EP400: variants seen among roughly 807,000 people sequenced by gnomAD.
The protein encoded by EP400 is E1A binding protein p400, also known as E1A-binding protein p400.
A neutral mutation model predicts 354.1 loss-of-function variants in EP400; 105 were observed. That is an observed-to-expected ratio of 0.30 (90% confidence interval 0.25 to 0.35). EP400 has a LOEUF of 0.35. EP400 is among the 10% of genes least tolerant of loss of function. The probability of loss-of-function intolerance (pLI) is 1.00; values close to 1 mark genes in which losing one functional copy is unlikely to be tolerated. For missense variants in EP400, 3,280 were observed against 4,121.0 expected, an observed-to-expected ratio of 0.80 and a Z score of 5.59; for synonymous variants, 1,646 against 1,716.9, an observed-to-expected ratio of 0.96 and a Z score of 1.02.
At chr12:131,962,875 A>T (rs1221353713) in intron 2 of EP400, among the ~76,000 whole-genome samples, 1 of 152,374 alleles carries the variant, frequency 6.6e-6, no homozygotes, top group East Asian at 1.9e-4. Context: ...TCTGCAAAGA[A>T]ATCTGCTTTT....
At chr12:132,022,141 A>G (rs1206878525) in intron 23 of EP400, among the ~76,000 whole-genome samples, 1 of 152,234 alleles carries the variant, frequency 6.6e-6, no homozygotes, top group Non-Finnish European at 1.5e-5. Flanking sequence ...ATAAAGAGGA[A>G]TTGTCCTAGT....
At chr12:131,983,746 C>G (rs1892759359) in intron 5 of EP400, among the ~76,000 whole-genome samples, 1 of 152,222 alleles carries the variant, frequency 6.6e-6, no homozygotes, top group South Asian at 2.1e-4. Context: ...GTGACACGAT[C>G]TCTGCTCACT....
Position 132,053,404 on chromosome 12 carries a change from C to A in EP400, c.7535C>A (p.Pro2512Gln). ...PAVAQPPPPQ[P>Q]QPPPPPQQPP... ...GTGGCCCAGCCACCCCCGCCCCAGCCGCAGCCCCCACCACCCCCGCAGCAG... is the reference window on the plus strand; with the variant it reads ...GTGGCCCAGCCACCCCCGCCCCAGCAGCAGCCCCCACCACCCCCGCAGCAG... The change falls in exon 43 of 53, where the codon CCG becomes CAG. Residue 2512 changes from proline to glutamine, a missense_variant. This residue lies in a region of EP400 where 255 missense variants were observed against 295.9 expected (regional missense o/e 0.86). Coordinates refer to ENST00000389561, the MANE Select transcript of EP400 (RefSeq NM_015409.5). 1 of 1,416,738 alleles carries A rather than the reference C, an allele frequency of 7.1e-7. No homozygotes were observed. The highest frequency in any genetic ancestry group is 9.5e-7 in the Non-Finnish European group (1 of 1,050,674). The allele number at this position is 1,416,738 out of a possible 1,614,324, so 87.8% of individuals were successfully genotyped here.
Position 132,079,959 on chromosome 12 carries a change from C to T in EP400, c.*2286C>T, listed in dbSNP as rs1896334056. 3 of 152,310 alleles carry T rather than the reference C, an allele frequency of 2.0e-5. No homozygotes were observed. The South Asian group carries it at 6.2e-4, about 32-fold the overall frequency. The allele number at this position is 152,310 out of a possible 1,614,324, so 9.4% of individuals were successfully genotyped here. On this transcript the variant is annotated 3_prime_UTR_variant, in exon 53 of 53. Coordinates refer to ENST00000389561, the MANE Select transcript of EP400 (RefSeq NM_015409.5). ...CCCTTTTAAAGGTTAAAGTTTCTAA[C>T]CTAAGAATTAAGTACGCGTTCAGGA...
At chr12:131,981,408 TA>T in intron 3 of EP400, 80 bp from the exon 4 acceptor site, 1 of 1,172,958 alleles carries the variant, frequency 8.5e-7, no homozygotes, top group Non-Finnish European at 1.2e-6. Context: ...TCCAAGATGA[TA>T]AAAACACACA....
In EP400 at chr12:131,994,935, C is replaced by A. The variant is rs764803216; in HGVS notation, c.2806C>A (p.Leu936Ile). ...AGGCGTTGTGGACCACCAAACAGAA[C>A]TTTCTAATTTAGCCAAGGAAGGTAG... ...NEGVVDHQTELSNLAKEAELP... is the reference protein window; with the variant it reads ...NEGVVDHQTEISNLAKEAELP... Residue 936 changes from leucine (L) to isoleucine (I), a missense_variant, in exon 12 of 53, where the codon CTT becomes ATT. This residue lies in a region of EP400 where 800 missense variants were observed against 840.0 expected (regional missense o/e 0.95). Transcript: ENST00000389561. The surrounding 1 kb of genome is among the most constrained non-coding windows in gnomAD (Gnocchi z 4.6). The A allele has an allele frequency of 3.7e-6, 6 of 1,613,996 alleles. No individual in the cohort carries two copies. The East Asian group carries it at 1.3e-4, about 36-fold the overall frequency.
intron 3 of EP400, 34 bp from the exon 4 acceptor site, chr12:131,981,455 C>T: frequency 6.7e-7 from 1 of 1,496,350 alleles, no homozygotes; most frequent in African/African-American, 1.4e-5. Flanking sequence ...TTTATTTTTA[C>T]ATCAAACTGC....
chr12:131,975,435 T>TA (rs1175861609), intron 2 of EP400, among the ~76,000 whole-genome samples: 1 of 152,222 alleles, frequency 6.6e-6, no homozygotes, highest in Admixed American at 6.5e-5. Flanking sequence ...TGTTGGTCCT[T>TA]ACGCCAGCGC....
chr12:131,984,322 C>T (rs1892781730), intron 5 of EP400, among the ~76,000 whole-genome samples: 1 of 152,068 alleles, frequency 6.6e-6, no homozygotes, highest in African/African-American at 2.4e-5. Flanking sequence ...CTGTGATGAG[C>T]GATTTATTGG....
rs139129492 is a variant in EP400 at position 131,982,422 on chromosome 12, G to A, written c.1873G>A (p.Val625Ile). Residue 625 changes from valine (V) to isoleucine (I), a missense_variant, in exon 5 of 53, where the codon GTT (valine) becomes ATT (isoleucine). This residue lies in a region of EP400 where 800 missense variants were observed against 840.0 expected (regional missense o/e 0.95). Coordinates refer to ENST00000389561, the MANE Select transcript of EP400 (RefSeq NM_015409.5). ...GCAGCCTGCACAGCTGGCCCTCCAC[G>A]TTCCCACACCTGGAAAGGTGCAGGT... ...PSQPAQLALH[V>I]PTPGKVQVQA... 6.2e-6 allele frequency: 10 copies of A among 1,613,912 alleles called. No individual in the cohort carries two copies. The highest frequency in any genetic ancestry group is 4.5e-5 in the East Asian group (2 of 44,884).
At chr12:131,963,416 A>C (rs921696275) in intron 2 of EP400, 5 of 732,736 alleles carry the variant, frequency 6.8e-6, no homozygotes, top group Non-Finnish European at 1.2e-5. Context: ...TTGATGCAAA[A>C]ACATTCCATT....
rs145263930 is a variant in EP400 at position 131,982,290 on chromosome 12, C to T, written c.1741C>T (p.Pro581Ser). 5 of 1,614,174 alleles carry T rather than the reference C, an allele frequency of 3.1e-6. No homozygotes were observed. In the South Asian group the frequency reaches 4.4e-5, roughly 14 times the overall value. The change falls in exon 5 of 53, where the codon CCG becomes TCG. Residue 581 changes from proline to serine, a missense_variant. By Grantham distance (74) the Pro-to-Ser change is moderately conservative (BLOSUM62 -1). Coordinates refer to ENST00000389561, the MANE Select transcript of EP400 (RefSeq NM_015409.5). Reference protein sequence around the residue: ...LSSALQFAQQPQVVEAQTQLQ... With the variant: ...LSSALQFAQQSQVVEAQTQLQ... ...CTCTGCGCTGCAGTTTGCACAGCAG[C>T]CGCAAGTGGTAGAGGCCCAGACACA...
chr12:131,959,485 T>C (rs1891807448), intron 1 of EP400, among the ~76,000 whole-genome samples: 1 of 152,220 alleles, frequency 6.6e-6, no homozygotes, highest in African/African-American at 2.4e-5. Context: ...TACCCTTGTC[T>C]GCTCCATCCT....
In EP400 at chr12:132,073,243, T is replaced by TTA. The variant is rs1389819328; in HGVS notation, c.9022-3272_9022-3271insAT. On this transcript the variant is annotated intron_variant, in intron 51 of 52. Transcript: ENST00000389561. ...GCCACCTTCTCTTTTTTTTTTTTTTTTTATCAATTCTCCCCTCTGCCAGTG... is the reference window on the plus strand; with the variant it reads ...GCCACCTTCTCTTTTTTTTTTTTTTTTATTATCAATTCTCCCCTCTGCCAGTG... Among the ~76,000 whole-genome samples the TTA allele has an allele frequency of 2.8e-4, 43 of 151,470 alleles. 1 individual carries two copies. In the East Asian group the frequency reaches 7.6e-3, roughly 27 times the overall value.
intron 50 of EP400, chr12:132,069,224 A>T (rs1315384605): frequency 2.3e-6 from 1 of 429,736 alleles, no homozygotes; most frequent in East Asian, 3.6e-5. Context: ...CCGACTATTC[A>T]GGGAGCAGTG....
At chr12:132,028,433 T>C in intron 27 of EP400, 145 bp downstream of exon 27, 1 of 1,062,582 alleles carries the variant, frequency 9.4e-7, no homozygotes, top group Non-Finnish European at 1.4e-6. Context: ...AGTTAGTCTT[T>C]GAGGTCTTCA....
rs1226994041 is a variant in EP400 at position 132,038,258 on chromosome 12, A to G, written c.6207+162A>G. ...ACCTCCCCACTCCCTTCTTTCTGTC[A>G]TGGGGATTTTGAACTGTAAATACAA... is the stretch of plus-strand genomic sequence containing the variant. On this transcript the variant is annotated intron_variant, in intron 32 of 52. Coordinates refer to ENST00000389561, the MANE Select transcript of EP400 (RefSeq NM_015409.5). This position sits in a 1 kb window ranked among gnomAD's most constrained non-coding sequence, Gnocchi z 4.2. Among the ~76,000 whole-genome samples, 3 of 152,054 alleles carry G rather than the reference A, an allele frequency of 2.0e-5. No homozygotes were observed. Among genetic ancestry groups the G allele is most frequent in the Non-Finnish European group, 2.9e-5 (2 of 67,988 alleles).
chr12:132,017,736 C>T lies in EP400; in HGVS notation c.4110+15C>T, dbSNP rs1328807094. The T allele has an allele frequency of 9.3e-6, 14 of 1,509,916 alleles. No homozygotes were observed. The highest frequency in any genetic ancestry group is 1.2e-5 in the Non-Finnish European group (13 of 1,130,134). 93.5% of individuals were successfully genotyped at this position (1,509,916 alleles called of 1,614,324 possible). On this transcript the variant is annotated intron_variant, in intron 20 of 52. Coordinates refer to ENST00000389561, the MANE Select transcript of EP400 (RefSeq NM_015409.5). This position sits in a 1 kb window ranked among gnomAD's most constrained non-coding sequence, Gnocchi z 5.0. ...ATTTCTGGAAGGTAAGTGGAGGATC[C>T]AGAAAGCGGAATTACTGTTGGATAT...
intron 15 of EP400, 85 bp from the exon 16 acceptor site, chr12:132,011,413 T>A: frequency 6.6e-7 from 1 of 1,525,942 alleles, no homozygotes; most frequent in Non-Finnish European, 8.9e-7. Flanking sequence ...CTCATACTGA[T>A]GAAGCGTCTC....
Sources: allele counts gnomAD v4.1 joint callset (sites outside exome capture counted in the v4.1 genomes callset), GRCh38; gene constraint gnomAD v4.1.1; regional missense constraint gnomAD v4.1.1; non-coding constraint Gnocchi (gnomAD v3.1); transcripts MANE v1.5; gene names NCBI Gene and HGNC (gene_info 2026-07-23, HGNC 2026-07-21).